The following MEDAG variants were observed in gnomAD, a reference collection of about 807,000 sequenced individuals.
MEDAG encodes mesenteric estrogen dependent adipogenesis.
Under a neutral mutation model 29.9 loss-of-function variants are expected in MEDAG, and 25 were observed. The ratio of observed to expected loss-of-function variants is 0.84; its 90% CI spans 0.61 to 1.17. MEDAG has a LOEUF of 1.17. Among genes scored for constraint, MEDAG ranks in the 50% most tolerant of loss-of-function variants. The pLI, the probability that MEDAG is intolerant of heterozygous loss-of-function variation, is 0.00. For synonymous variants in MEDAG, 158 were observed against 148.2 expected (o/e 1.07, Z -0.48); for missense variants, 398 against 372.9 (o/e 1.07, Z -0.56).
At chr13:30,917,699 G>A (rs908565536) in intron 2 of MEDAG, among the ~76,000 whole-genome samples, 187 bp downstream of exon 2, 3 of 152,132 alleles carry the variant, frequency 2.0e-5, no homozygotes, top group Non-Finnish European at 4.4e-5. Context: ...CGTCTTACAT[G>A]GAGCAGGGGG....
At chr13:30,918,461 T>C (rs908057986) in intron 2 of MEDAG, among the ~76,000 whole-genome samples, 1 of 152,238 alleles carries the variant, frequency 6.6e-6, no homozygotes, top group African/African-American at 2.4e-5. Flanking sequence ...CTTTTCTGTT[T>C]CATGCCATGA....
At chr13:30,910,300 G>C (rs1952870352) in intron 1 of MEDAG, among the ~76,000 whole-genome samples, 1 of 151,978 alleles carries the variant, frequency 6.6e-6, no homozygotes. Context: ...CTTCTTTTTG[G>C]TGCTCCCCTA....
intron 1 of MEDAG, among the ~76,000 whole-genome samples, chr13:30,912,846 C>G (rs948996204): frequency 2.6e-5 from 4 of 152,150 alleles, no homozygotes; most frequent in Non-Finnish European, 4.4e-5. Context: ...CCTGGGAACT[C>G]AAATGAACAC....
intron 4 of MEDAG, among the ~76,000 whole-genome samples, chr13:30,923,970 C>A (rs550355302): frequency 1.3e-5 from 2 of 152,254 alleles, no homozygotes; most frequent in African/African-American, 4.8e-5. Context: ...ACAGGCAGAG[C>A]ACGGGGCCAC....
Position 30,917,492 on chromosome 13 carries a change from C to A in MEDAG, c.368C>A (p.Thr123Asn). ...ATGTTGTTCTTTATTAATGTACAGACCAAAAAAGACACCTCAAAAGGTAAG... is the reference window on the plus strand; with the variant it reads ...ATGTTGTTCTTTATTAATGTACAGAACAAAAAAGACACCTCAAAAGGTAAG... ...KPMLFFINVQ[T>N]KKDTSKERTY... Residue 123 changes from threonine to asparagine, a missense_variant, in exon 2 of 5, where the codon ACC becomes AAC. Thr to Asn is a moderately conservative substitution (Grantham distance 65). Transcript: ENST00000380482. 6.3e-7 allele frequency: 1 copy of A among 1,591,640 alleles called. No homozygotes were observed. The highest frequency in any genetic ancestry group is 8.6e-7 in the Non-Finnish European group (1 of 1,160,366).
Position 30,921,776 on chromosome 13 carries a change from G to C in MEDAG, c.717G>C (p.Leu239=). The C allele has an allele frequency of 6.2e-7, 1 of 1,612,354 alleles. No homozygotes were observed. Among genetic ancestry groups the C allele is most frequent in the South Asian group, 1.1e-5 (1 of 90,496 alleles). Residue 239 remains leucine, a synonymous_variant, in exon 4 of 5, where the codon CTG becomes CTC. Transcript: ENST00000380482. ...AGAAGGAGACGATTAAGTTATTTCT[G>C]GAAAAAATGAGTGAGCCTTTAATCC... ...PEKKETIKLF[L]EKMSEPLIRR...
chr13:30,917,983 A>C (rs891716694), intron 2 of MEDAG, among the ~76,000 whole-genome samples: 1 of 152,172 alleles, frequency 6.6e-6, no homozygotes, highest in Non-Finnish European at 1.5e-5. Context: ...GGCAGAAATC[A>C]GCTTGTGACA....
chr13:30,918,159 G>T (rs1952947604), intron 2 of MEDAG, among the ~76,000 whole-genome samples: 1 of 152,190 alleles, frequency 6.6e-6, no homozygotes, highest in East Asian at 1.9e-4. Flanking sequence ...TTTGGAGGTT[G>T]CAGAAATGAC....
At chr13:30,910,272 A>G (rs1952870112) in intron 1 of MEDAG, among the ~76,000 whole-genome samples, 1 of 152,116 alleles carries the variant, frequency 6.6e-6, no homozygotes, top group Non-Finnish European at 1.5e-5. Flanking sequence ...AACGTTTGGC[A>G]AAGAAGACCT....
At position 30,914,357 on chromosome 13, in the gene MEDAG, C is replaced by T. The variant is rs543646424; in HGVS notation, c.279-3046C>T. ...TATTAAGTAGGGATCTTGGCACAATCTCTTGTCTGTAAGTTCTGGCATCAG... is the reference window on the plus strand; with the variant it reads ...TATTAAGTAGGGATCTTGGCACAATTTCTTGTCTGTAAGTTCTGGCATCAG... On this transcript the variant is annotated intron_variant, in intron 1 of 4. Transcript: ENST00000380482. Among the ~76,000 whole-genome samples, 9 of 152,280 alleles carry T rather than the reference C, an allele frequency of 5.9e-5. No individual in the cohort carries two copies. In the East Asian group the frequency reaches 9.6e-4, roughly 16 times the overall value.
chr13:30,916,852 C>A (rs991570173), intron 1 of MEDAG: 2 of 152,288 alleles, frequency 1.3e-5, no homozygotes, highest in African/African-American at 2.4e-5. Context: ...CAGTTGTTTT[C>A]GTTTTTTAAT....
At chr13:30,917,906 T>C (rs1047850669) in intron 2 of MEDAG, among the ~76,000 whole-genome samples, 3 of 152,122 alleles carry the variant, frequency 2.0e-5, no homozygotes, top group Non-Finnish European at 2.9e-5. Context: ...ACCATATCAG[T>C]ATATAAATAG....
At position 30,919,772 on chromosome 13, in the gene MEDAG, C is replaced by T. The variant is rs182290825; in HGVS notation, c.389-1242C>T. Among the ~76,000 whole-genome samples, 20 of 152,288 alleles carry T rather than the reference C, an allele frequency of 1.3e-4. No homozygotes were observed. In the East Asian group the frequency reaches 2.1e-3, roughly 16 times the overall value. ...CTAAAAATCACACAGTGGCTGGTCC[C>T]TGGCTGTTAAATGGAGGAGAACACA... On this transcript the variant is annotated intron_variant, in intron 2 of 4. Coordinates refer to ENST00000380482, the MANE Select transcript of MEDAG (RefSeq NM_032849.4).
intron 1 of MEDAG, among the ~76,000 whole-genome samples, chr13:30,915,417 G>A (rs1952918380): frequency 6.6e-6 from 1 of 152,122 alleles, no homozygotes; most frequent in African/African-American, 2.4e-5. Context: ...TCTAGACTCT[G>A]AGCCCCTCCA....
intron 1 of MEDAG, among the ~76,000 whole-genome samples, chr13:30,915,817 G>A (rs889712137): frequency 6.6e-6 from 1 of 151,692 alleles, no homozygotes; most frequent in Non-Finnish European, 1.5e-5. Context: ...ACACCCCAGC[G>A]CCCCACCCCA....
intron 4 of MEDAG, among the ~76,000 whole-genome samples, chr13:30,923,178 C>T (rs191012029): frequency 6.6e-6 from 1 of 152,324 alleles, no homozygotes; most frequent in East Asian, 1.9e-4. Flanking sequence ...GCCTCAGCCT[C>T]CCAAAGTGCT....
chr13:30,924,256 G>GT (rs1050040158), intron 4 of MEDAG, 55 bp from the exon 5 acceptor site: 2,480 of 1,470,808 alleles, frequency 1.7e-3, no homozygotes, highest in South Asian at 2.9e-3. Flanking sequence ...GGCACTGTTG[G>GT]TTTTTTTTTC....
At chr13:30,919,259 G>A (rs1952958894) in intron 2 of MEDAG, among the ~76,000 whole-genome samples, 1 of 152,234 alleles carries the variant, frequency 6.6e-6, no homozygotes, top group Admixed American at 6.5e-5. Flanking sequence ...TTATGATTAA[G>A]GCAATATGTC....
chr13:30,909,707 A>G (rs925114716), intron 1 of MEDAG, among the ~76,000 whole-genome samples: 3 of 152,174 alleles, frequency 2.0e-5, no homozygotes, highest in Non-Finnish European at 4.4e-5. Context: ...ATATGGGATA[A>G]GCCCCTGGTG....
Sources: gnomAD v4.1 joint callset for allele counts (sites outside exome capture counted in the v4.1 genomes callset) on GRCh38, gnomAD v4.1.1 for gene constraint, MANE v1.5 for transcripts, NCBI Gene and HGNC (gene_info 2026-07-23, HGNC 2026-07-21) for gene names.